ASTN2: variants seen among roughly 807,000 people sequenced by gnomAD.
The protein encoded by ASTN2 is astrotactin 2, also known as astrotactin-2.
Under a neutral mutation model 139.8 loss-of-function variants are expected in ASTN2, and 54 were observed. The observed-to-expected ratio is 0.39, with a 90% CI of 0.31 to 0.48. The LOEUF is 0.48. ASTN2 is among the 20% of genes least tolerant of loss of function. The pLI is 0.95. For synonymous variants in ASTN2, 756 were observed against 719.5 expected, an observed-to-expected ratio of 1.05 and a Z score of -0.81; for missense variants, 1,565 against 1,725.1, an observed-to-expected ratio of 0.91 and a Z score of 1.64.
At chr9:116,968,898 CAA>C (rs34706777) in intron 10 of ASTN2, among the ~76,000 whole-genome samples, 21 of 93,548 alleles carry the variant, frequency 2.2e-4, no homozygotes, top group African/African-American at 2.8e-4. Flanking sequence ...GACTCTGTCT[CAA>C]AAAAAAAAAA....
chr9:116,764,264 G>C (rs190657957), intron 13 of ASTN2, among the ~76,000 whole-genome samples: 163 of 152,292 alleles, frequency 1.1e-3, no homozygotes, highest in Non-Finnish European at 1.5e-3. Context: ...CCTCACCTAA[G>C]GTCCTGCCCC....
intron 19 of ASTN2, among the ~76,000 whole-genome samples, chr9:116,562,733 T>TAAAAAAAAAAAAA (rs35878476): frequency 1.6e-5 from 1 of 64,466 alleles, no homozygotes. Context: ...ACTGCCTCAT[T>TAAAAAAAAAAAAA]AAAAAAAAAA....
chr9:116,830,819 A>G lies in ASTN2; in HGVS notation c.2041-10036T>C, dbSNP rs141447982. On this transcript the variant is annotated intron_variant, in intron 11 of 22. Transcript: ENST00000313400. ...AAAAAAAAAAAAGAAGAAGAAGAAAAAAAGAAAGATACCAGCCCTCATATG... is the reference window on the plus strand; with the variant it reads ...AAAAAAAAAAAAGAAGAAGAAGAAAGAAAGAAAGATACCAGCCCTCATATG... Among the ~76,000 whole-genome samples, 1,381 of 151,984 alleles carry G rather than the reference A, an allele frequency of 9.1e-3. 9 individuals are homozygous for G. The highest frequency in any genetic ancestry group is 0.061 in the Middle Eastern group (18 of 294).
At chr9:116,610,333 G>A (rs1177079532) in intron 19 of ASTN2, among the ~76,000 whole-genome samples, 1 of 152,094 alleles carries the variant, frequency 6.6e-6, no homozygotes, top group Non-Finnish European at 1.5e-5. Flanking sequence ...GGCTGCGGAC[G>A]GTGGCTCACA....
intron 16 of ASTN2, among the ~76,000 whole-genome samples, chr9:116,681,396 C>T (rs1185827082): frequency 1.3e-5 from 2 of 152,188 alleles, no homozygotes; most frequent in African/African-American, 4.8e-5. Flanking sequence ...AATGGAAGAA[C>T]ATTCCATGCT....
chr9:116,888,703 A>G (rs1833681427), intron 10 of ASTN2, among the ~76,000 whole-genome samples: 1 of 151,858 alleles, frequency 6.6e-6, no homozygotes, highest in African/African-American at 2.4e-5. Context: ...TTGTAATTAA[A>G]AAAAAAAATA....
intron 3 of ASTN2, 59 bp downstream of exon 3, chr9:117,214,299 C>T: frequency 6.6e-7 from 1 of 1,521,784 alleles, no homozygotes; most frequent in Non-Finnish European, 8.9e-7. Flanking sequence ...AGCTTCTGCA[C>T]CTCTTCCCAT....
At position 117,143,742 on chromosome 9, in the gene ASTN2, A is replaced by G. The variant is rs540821132; in HGVS notation, c.1016-2264T>C. Among the ~76,000 whole-genome samples, 7 of 152,058 alleles carry G rather than the reference A, an allele frequency of 4.6e-5. No individual in the cohort carries two copies. In the South Asian group the frequency reaches 1.5e-3, roughly 32 times the overall value. On this transcript the variant is annotated intron_variant, in intron 3 of 22. Coordinates refer to ENST00000313400, the MANE Select transcript of ASTN2 (RefSeq NM_001365068.1). ...TTGGTGAGATTTCTCTTCCTGGCTT[A>G]CAGATGGCCACCTTCTCCTCCCTGT...
At chr9:116,822,665 T>C (rs752607526) in intron 11 of ASTN2, among the ~76,000 whole-genome samples, 6 of 152,220 alleles carry the variant, frequency 3.9e-5, no homozygotes, top group Admixed American at 1.3e-4. Flanking sequence ...CTTGTTTTTT[T>C]AAACGTGTTC....
At chr9:116,752,430 T>C (rs2132155732) in intron 13 of ASTN2, among the ~76,000 whole-genome samples, 1 of 152,294 alleles carries the variant, frequency 6.6e-6, no homozygotes, top group Middle Eastern at 3.4e-3. Flanking sequence ...ACAAAACTTC[T>C]AGGAGATAAT....
At chr9:117,217,506 T>C (rs1423161734) in intron 2 of ASTN2, among the ~76,000 whole-genome samples, 1 of 152,218 alleles carries the variant, frequency 6.6e-6, no homozygotes, top group Non-Finnish European at 1.5e-5. Flanking sequence ...TCCTTTGCCT[T>C]GAGAGCCTTC....
At chr9:116,565,088 T>C (rs183561066) in intron 19 of ASTN2, among the ~76,000 whole-genome samples, 6 of 152,094 alleles carry the variant, frequency 3.9e-5, no homozygotes, top group Admixed American at 3.9e-4. Flanking sequence ...TATTTTCTAG[T>C]CTATTTCATA....
chr9:116,532,511 T>G (rs930291716), intron 19 of ASTN2, among the ~76,000 whole-genome samples: 4 of 152,236 alleles, frequency 2.6e-5, no homozygotes, highest in African/African-American at 9.6e-5. Context: ...TATTTAAGTC[T>G]TCAATCCACC....
intron 13 of ASTN2, among the ~76,000 whole-genome samples, chr9:116,795,022 G>A (rs1296481815): frequency 2.0e-5 from 3 of 152,168 alleles, no homozygotes; most frequent in Admixed American, 2.0e-4. Flanking sequence ...TGTTGCCCAG[G>A]CTAGAGTGCA....
intron 19 of ASTN2, chr9:116,611,116 C>T (rs1021504825): frequency 1.7e-4 from 26 of 152,014 alleles, no homozygotes; most frequent in African/African-American, 5.6e-4. Context: ...AATCAAAAAT[C>T]AACAACAAAA....
At chr9:117,412,262 C>T (rs144867361) in intron 1 of ASTN2, among the ~76,000 whole-genome samples, 2 of 152,238 alleles carry the variant, frequency 1.3e-5, no homozygotes, top group African/African-American at 4.8e-5. Context: ...ACCCAATCCC[C>T]CGCATGCATC....
intron 2 of ASTN2, among the ~76,000 whole-genome samples, chr9:117,238,689 T>G (rs1335409): frequency 0.065 from 9,907 of 152,228 alleles, 1,085 homozygotes; most frequent in African/African-American, 0.22. Flanking sequence ...GACTAGTTGC[T>G]TGACTTCAGA....
chr9:117,216,714 A>AT (rs549883394), intron 2 of ASTN2, among the ~76,000 whole-genome samples: 286 of 151,988 alleles, frequency 1.9e-3, no homozygotes, highest in Non-Finnish European at 3.3e-3. Context: ...TTTGTCTGGG[A>AT]TTTTTTTGTG....
At chr9:116,512,323 T>G (rs1850428360) in intron 19 of ASTN2, among the ~76,000 whole-genome samples, 1 of 152,238 alleles carries the variant, frequency 6.6e-6, no homozygotes, top group Non-Finnish European at 1.5e-5. Flanking sequence ...TGAGTGAGTT[T>G]CTAAATCTTG....
Sources: allele counts gnomAD v4.1 joint callset (sites outside exome capture counted in the v4.1 genomes callset), GRCh38; gene constraint gnomAD v4.1.1; transcripts MANE v1.5; gene names NCBI Gene and HGNC (gene_info 2026-07-23, HGNC 2026-07-21).